The following MRPS2 variants were observed in gnomAD, a reference collection of about 807,000 sequenced individuals.
The protein encoded by MRPS2 is small ribosomal subunit protein uS2m.
A neutral mutation model predicts 18.9 loss-of-function variants in MRPS2; 13 were observed. That is an observed-to-expected ratio of 0.69 (90% CI 0.45 to 1.09). The LOEUF is 1.09. Ranked by LOEUF, MRPS2 falls within the 50% of genes least tolerant of loss-of-function variation. MRPS2 has a pLI of 0.00. For missense variants in MRPS2, 389 were observed against 421.7 expected (o/e 0.92, Z 0.68); for synonymous variants, 186 against 178.4 (o/e 1.04, Z -0.34).
At chr9:135,502,374 A>C in intron 3 of MRPS2, 29 of 168,768 alleles carry the variant, frequency 1.7e-4, no homozygotes, top group Middle Eastern at 5.0e-4. Context: ...AGGGGATGGG[A>C]GGGGCAGGTG....
intron 2 of MRPS2, 180 bp downstream of exon 2, chr9:135,501,303 G>A (rs1831124641): frequency 7.0e-7 from 1 of 1,422,654 alleles, no homozygotes; most frequent in African/African-American, 1.5e-5. Flanking sequence ...AGCGGGCTGA[G>A]GCCACCGCCT....
In MRPS2 at chr9:135,503,669, T is replaced by C. The variant is rs1346983350; in HGVS notation, c.427T>C (p.Leu143=). 2 of 1,613,744 alleles carry C rather than the reference T, an allele frequency of 1.2e-6. No homozygotes were observed. The highest frequency in any genetic ancestry group is 1.7e-6 in the Non-Finnish European group (2 of 1,180,044). The part of the protein sequence containing the change: ...AHMAYRKGII[L]FISRNRQFSY... Reference sequence around the variant, plus strand: ...CATGGCCTACCGCAAGGGCATCATCTTGTTTATAAGCCGCAACCGGCAGTT... The same window carrying C: ...CATGGCCTACCGCAAGGGCATCATCCTGTTTATAAGCCGCAACCGGCAGTT... The change falls in exon 4 of 4, where the codon TTG becomes CTG. Residue 143 remains leucine (L), a synonymous_variant. Transcript: ENST00000241600.
intron 1 of MRPS2, 64 bp from the exon 2 acceptor site, chr9:135,500,934 C>T (rs771898618): frequency 6.3e-7 from 1 of 1,594,020 alleles, no homozygotes; most frequent in Non-Finnish European, 8.6e-7. Context: ...GTTGGGGATG[C>T]GGTGGGGAGC....
intron 2 of MRPS2, 21 bp from the exon 3 acceptor site, chr9:135,501,823 C>T (rs1831149035): frequency 4.3e-6 from 7 of 1,612,044 alleles, no homozygotes; most frequent in Non-Finnish European, 5.9e-6. Context: ...GACGCAGCGT[C>T]GCTCCTCCTC....
In MRPS2 at chr9:135,501,834, C is replaced by T; in HGVS notation, c.170-10C>T. 1 of 1,613,186 alleles carries T rather than the reference C, an allele frequency of 6.2e-7. No individual in the cohort carries two copies. Among genetic ancestry groups the T allele is most frequent in the Non-Finnish European group, 8.5e-7 (1 of 1,179,798 alleles). On this transcript the variant is annotated splice_polypyrimidine_tract_variant and intron_variant, in intron 2 of 3. Coordinates refer to ENST00000241600, the MANE Select transcript of MRPS2 (RefSeq NM_016034.5). ...GGGAGACGCAGCGTCGCTCCTCCTCCCTGCCGTAGATTTCAACGACAAGAT... is the reference window on the plus strand; with the variant it reads ...GGGAGACGCAGCGTCGCTCCTCCTCTCTGCCGTAGATTTCAACGACAAGAT...
intron 3 of MRPS2, 169 bp from the exon 4 acceptor site, chr9:135,503,373 G>A: frequency 7.1e-7 from 1 of 1,413,120 alleles, no homozygotes. Context: ...GGATGGGTCT[G>A]CACTGCTGTC....
chr9:135,501,432 A>G (rs1417003309), intron 2 of MRPS2: 3 of 1,104,712 alleles, frequency 2.7e-6, no homozygotes, highest in Non-Finnish European at 3.5e-6. Context: ...GGCGGGCCCA[A>G]GTGACCTGGG....
At position 135,504,430 on chromosome 9, in the gene MRPS2, C is replaced by T. The variant is rs1365739500; in HGVS notation, c.*297C>T. On this transcript the variant is annotated 3_prime_UTR_variant, in exon 4 of 4. Transcript: ENST00000241600. This position sits in a 1 kb window ranked among gnomAD's most constrained non-coding sequence, Gnocchi z 4.3. Reference sequence around the variant, plus strand: ...AAGCTGCTAGAAGATGCTGCTGTCCCTGTGATCCCAGCAGCCCTCCCTTCA... The same window carrying T: ...AAGCTGCTAGAAGATGCTGCTGTCCTTGTGATCCCAGCAGCCCTCCCTTCA... The T allele has an allele frequency of 2.3e-6, 1 of 442,724 alleles. No homozygotes were observed. Among genetic ancestry groups the T allele is most frequent in the East Asian group, 4.0e-5 (1 of 25,190 alleles). The allele number at this position is 442,724 out of a possible 1,614,324, so 27.4% of individuals were successfully genotyped here.
chr9:135,502,875 C>T (rs2119362977), intron 3 of MRPS2, among the ~76,000 whole-genome samples: 1 of 152,266 alleles, frequency 6.6e-6, no homozygotes, highest in Non-Finnish European at 1.5e-5. Flanking sequence ...AGGCTGTGAC[C>T]TTGGCAAGAT....
In MRPS2 at chr9:135,501,930, G is replaced by C. The variant is rs1469669573; in HGVS notation, c.256G>C (p.Asp86His). 1 of 1,613,736 alleles carries C rather than the reference G, an allele frequency of 6.2e-7. No individual in the cohort carries two copies. Among genetic ancestry groups the C allele is most frequent in the East Asian group, 2.2e-5 (1 of 44,880 alleles). ...ACTGTTTTCCGTGAGAAGCCTCTTC[G>C]ATGCCCGAGTCCATCTGGGACACAA... is the stretch of plus-strand genomic sequence containing the variant. Reference protein sequence around the residue: ...KELFSVRSLFDARVHLGHKAG... With the variant: ...KELFSVRSLFHARVHLGHKAG... The change falls in exon 3 of 4, where the codon GAT (aspartate) becomes CAT (histidine). Residue 86 changes from aspartate (D) to histidine (H), a missense_variant. Physicochemically the swap from Asp to His is moderately conservative, Grantham distance 81. Coordinates refer to ENST00000241600, the MANE Select transcript of MRPS2 (RefSeq NM_016034.5).
chr9:135,501,601 G>A, intron 2 of MRPS2: 2 of 1,277,432 alleles, frequency 1.6e-6, no homozygotes, highest in Non-Finnish European at 2.0e-6. Flanking sequence ...ACCAAGGGAC[G>A]GGGTTGACCA....
Position 135,501,103 on chromosome 9 carries a change from G to T in MRPS2, c.149G>T (p.Arg50Leu). ...TLGSATALMI[R>L]ESEDSTDFND... is the part of the protein sequence containing the mutation. Reference sequence around the variant, plus strand: ...GGAAGCGCGACGGCCCTTATGATCCGCGAGTCGGAGGACAGCACCGGTAAC... The same window carrying T: ...GGAAGCGCGACGGCCCTTATGATCCTCGAGTCGGAGGACAGCACCGGTAAC... The change falls in exon 2 of 4, where the codon CGC (arginine) becomes CTC (leucine). Residue 50 changes from arginine to leucine, a missense_variant. Transcript: ENST00000241600. The T allele has an allele frequency of 6.2e-7, 1 of 1,602,112 alleles. No homozygotes were observed.
chr9:135,500,410 C>G (rs1201788518), upstream of MRPS2: 1 of 399,038 alleles, frequency 2.5e-6, no homozygotes, highest in Non-Finnish European at 4.4e-6. Context: ...GTCCCCATCG[C>G]CCAGCGGGCT....
At chr9:135,501,342 CG>C (rs998039888) in intron 2 of MRPS2, 4 of 1,401,978 alleles carry the variant, frequency 2.9e-6, no homozygotes, top group Admixed American at 3.0e-5. Flanking sequence ...AGGGAGCGGG[CG>C]GGCCAGTGGT....
Position 135,501,896 on chromosome 9 carries a change from T to C in MRPS2, c.222T>C (p.Asn74=), listed in dbSNP as rs1261474016. 6.8e-6 allele frequency: 11 copies of C among 1,613,728 alleles called. No individual in the cohort carries two copies. The highest frequency in any genetic ancestry group is 3.3e-5 in the Admixed American group (2 of 60,012). The change falls in exon 3 of 4, where the codon AAT becomes AAC. Residue 74 remains asparagine (N), a synonymous_variant. Coordinates refer to ENST00000241600, the MANE Select transcript of MRPS2 (RefSeq NM_016034.5). ...CCCTCAAGCACTCTGACTTCTTCAATGTCAAGGAACTGTTTTCCGTGAGAA... is the reference window on the plus strand; with the variant it reads ...CCCTCAAGCACTCTGACTTCTTCAACGTCAAGGAACTGTTTTCCGTGAGAA... ...NEPLKHSDFF[N]VKELFSVRSL...
intron 1 of MRPS2, 76 bp from the exon 2 acceptor site, chr9:135,500,922 C>T (rs1831098508): frequency 1.3e-6 from 2 of 1,592,378 alleles, no homozygotes; most frequent in African/African-American, 2.7e-5. Context: ...GCGGAGGGGC[C>T]CGTTGGGGAT....
intron 1 of MRPS2, 119 bp from the exon 2 acceptor site, chr9:135,500,879 G>T: frequency 7.8e-6 from 12 of 1,545,274 alleles, no homozygotes; most frequent in South Asian, 1.2e-5. Context: ...ACTCGGGGAG[G>T]GCGCGGGGAC....
rs777615150 is a variant in MRPS2, at chr9:135,501,003, C to T, written c.49C>T (p.Arg17Trp). The T allele has an allele frequency of 1.2e-6, 2 of 1,611,696 alleles. No individual in the cohort carries two copies. The highest frequency in any genetic ancestry group is 1.7e-5 in the Admixed American group (1 of 59,976). ...CTCTATCTACTTCCCCCCAGGTGCCCGGGCCCCGTCGCGCTGGTTGGGCTT... is the reference window on the plus strand; with the variant it reads ...CTCTATCTACTTCCCCCCAGGTGCCTGGGCCCCGTCGCGCTGGTTGGGCTT... ...ALPRILGAGARAPSRWLGFLG... is the reference protein window; with the variant it reads ...ALPRILGAGAWAPSRWLGFLG... The change falls in exon 2 of 4, where the codon CGG (arginine) becomes TGG (tryptophan). Residue 17 changes from arginine (R) to tryptophan (W), a missense_variant. Arg to Trp is a moderately radical substitution (Grantham distance 101). Transcript: ENST00000241600.
At position 135,503,702 on chromosome 9, in the gene MRPS2, C is replaced by G; in HGVS notation, c.460C>G (p.Leu154Val). 6.2e-7 allele frequency: 1 copy of G among 1,613,718 alleles called. No homozygotes were observed. Among genetic ancestry groups the G allele is most frequent in the Non-Finnish European group, 8.5e-7 (1 of 1,180,036 alleles). ...AAGCCGCAACCGGCAGTTCTCGTACCTGATTGAGAACATGGCCCGTGACTG... is the reference window on the plus strand; with the variant it reads ...AAGCCGCAACCGGCAGTTCTCGTACGTGATTGAGAACATGGCCCGTGACTG... The part of the protein sequence containing the change: ...FISRNRQFSY[L>V]IENMARDCGE... Residue 154 changes from leucine to valine, a missense_variant, in exon 4 of 4, where the codon CTG (leucine) becomes GTG (valine). Physicochemically the swap from Leu to Val is conservative, Grantham distance 32. Transcript: ENST00000241600.
Sources: allele counts gnomAD v4.1 joint callset (sites outside exome capture counted in the v4.1 genomes callset), GRCh38; gene constraint gnomAD v4.1.1; non-coding constraint Gnocchi (gnomAD v3.1); transcripts MANE v1.5; gene names NCBI Gene and HGNC (gene_info 2026-07-23, HGNC 2026-07-21).